Variants in CSMD3 observed in about 807,000 individuals in gnomAD.
CSMD3 encodes CUB and Sushi multiple domains 3.
A neutral mutation model predicts 435.2 loss-of-function variants in CSMD3; 177 were observed. That is an observed-to-expected ratio of 0.41 (90% confidence interval 0.36 to 0.46). The LOEUF (loss-of-function observed/expected upper bound fraction) is 0.46. Ranked by LOEUF, CSMD3 falls within the 20% of genes least tolerant of loss-of-function variation. CSMD3 has a pLI of 0.34. For synonymous variants in CSMD3, 1,656 were observed against 1,520.5 expected, an observed-to-expected ratio of 1.09 and a Z score of -2.07; for missense variants, 4,265 against 4,504.6, an observed-to-expected ratio of 0.95 and a Z score of 1.52.
intron 7 of CSMD3, among the ~76,000 whole-genome samples, chr8:112,971,483 G>C (rs1464372373): frequency 6.6e-6 from 1 of 152,050 alleles, no homozygotes; most frequent in African/African-American, 2.4e-5. Context: ...AAATACCTAA[G>C]AGTTTATGGC....
chr8:112,241,282 G>C (rs755144431), intron 66 of CSMD3, among the ~76,000 whole-genome samples: 5 of 151,840 alleles, frequency 3.3e-5, no homozygotes, highest in Non-Finnish European at 7.4e-5. Flanking sequence ...ATTGTGCTAG[G>C]TTTTCTAATT....
chr8:113,304,793 T>C (rs1223955912), intron 2 of CSMD3, among the ~76,000 whole-genome samples: 85 of 128,772 alleles, frequency 6.6e-4, no homozygotes, highest in South Asian at 1.8e-3. Context: ...AGGGATAGCA[T>C]TGGGAGATGT....
intron 27 of CSMD3, among the ~76,000 whole-genome samples, chr8:112,529,197 T>A (rs1825284646): frequency 6.6e-6 from 1 of 152,058 alleles, no homozygotes; most frequent in African/African-American, 2.4e-5. Flanking sequence ...TATTTGCCAG[T>A]CTTAGAACTC....
At chr8:112,497,352 A>T (rs1563619634) in intron 30 of CSMD3, among the ~76,000 whole-genome samples, 1 of 151,818 alleles carries the variant, frequency 6.6e-6, no homozygotes, top group Non-Finnish European at 1.5e-5. Context: ...AAGTAACTAA[A>T]AGCGTATAAT....
intron 1 of CSMD3, among the ~76,000 whole-genome samples, chr8:113,316,559 T>A (rs2132682161): frequency 6.6e-6 from 1 of 151,938 alleles, no homozygotes; most frequent in African/African-American, 2.4e-5. Flanking sequence ...TACTTTTTTT[T>A]TTTTTTTTGA....
intron 45 of CSMD3, among the ~76,000 whole-genome samples, chr8:112,330,514 TG>T (rs1823939626): frequency 6.6e-6 from 1 of 152,088 alleles, no homozygotes; most frequent in African/African-American, 2.4e-5. Context: ...TCTAGTCGCC[TG>T]GTTATTTTGA....
chr8:113,006,362 G>A (rs1054708939), intron 6 of CSMD3, among the ~76,000 whole-genome samples: 2 of 151,980 alleles, frequency 1.3e-5, no homozygotes, highest in African/African-American at 4.8e-5. Flanking sequence ...GAAGACTGGT[G>A]GAAATATTTC....
chr8:112,901,435 T>A (rs2082106737), intron 10 of CSMD3, among the ~76,000 whole-genome samples: 1 of 151,296 alleles, frequency 6.6e-6, no homozygotes, highest in Non-Finnish European at 1.5e-5. Context: ...AGGCTTTTAC[T>A]ACCCCAGACT....
chr8:112,396,704 T>C (rs917515244), intron 35 of CSMD3, among the ~76,000 whole-genome samples: 1 of 152,176 alleles, frequency 6.6e-6, no homozygotes, highest in Non-Finnish European at 1.5e-5. Context: ...AAGTCCTCTT[T>C]TGATTGAGCC....
At chr8:112,528,872 C>A (rs1045211173) in intron 27 of CSMD3, among the ~76,000 whole-genome samples, 2 of 152,018 alleles carry the variant, frequency 1.3e-5, no homozygotes, top group African/African-American at 2.4e-5. Flanking sequence ...CCCAACCATT[C>A]CAAGAGGACT....
At chr8:112,933,459 T>C (rs1262379284) in intron 9 of CSMD3, among the ~76,000 whole-genome samples, 1 of 152,132 alleles carries the variant, frequency 6.6e-6, no homozygotes, top group African/African-American at 2.4e-5. Context: ...GGTCTTATAT[T>C]TGCTGTCTTT....
chr8:112,802,084 G>A (rs1303096090), intron 12 of CSMD3, among the ~76,000 whole-genome samples: 1 of 151,798 alleles, frequency 6.6e-6, no homozygotes, highest in African/African-American at 2.4e-5. Context: ...CCAACTCATT[G>A]CTGGTGTAAG....
At chr8:113,010,278 A>G (rs555780131) in intron 6 of CSMD3, among the ~76,000 whole-genome samples, 6 of 151,840 alleles carry the variant, frequency 4.0e-5, no homozygotes, top group African/African-American at 7.2e-5. Flanking sequence ...ATGGGCTATC[A>G]AGAAACTTTT....
chr8:112,918,464 AT>A (rs1450994179), intron 10 of CSMD3, among the ~76,000 whole-genome samples: 2 of 151,806 alleles, frequency 1.3e-5, no homozygotes, highest in East Asian at 1.9e-4. Context: ...GTCTATTATT[AT>A]TAACTATTTT....
At chr8:112,528,590 T>C (rs965619399) in intron 27 of CSMD3, among the ~76,000 whole-genome samples, 4 of 151,998 alleles carry the variant, frequency 2.6e-5, no homozygotes, top group East Asian at 1.9e-4. Flanking sequence ...AATGGCAAAG[T>C]AGAAAGTCCT....
chr8:113,071,651 C>G (rs956004255), intron 5 of CSMD3, among the ~76,000 whole-genome samples: 1 of 151,756 alleles, frequency 6.6e-6, no homozygotes, highest in African/African-American at 2.4e-5. Context: ...TCTTGTCTAT[C>G]TATTCTGTTC....
At chr8:113,289,554 C>CAGAGAGAGAGAGAGAGAG (rs66595138) in intron 2 of CSMD3, among the ~76,000 whole-genome samples, 42 of 143,302 alleles carry the variant, frequency 2.9e-4, no homozygotes, top group African/African-American at 1.1e-3. Context: ...CAGAGAGAGA[C>CAGAGAGAGAGAGAGAGAG]AGAGAGAGAG....
At chr8:113,075,743 C>G (rs554533453) in intron 5 of CSMD3, among the ~76,000 whole-genome samples, 1 of 151,676 alleles carries the variant, frequency 6.6e-6, no homozygotes, top group Non-Finnish European at 1.5e-5. Context: ...TATTAGAACA[C>G]TTCAGACTGA....
At chr8:112,914,805 G>C (rs1434703946) in intron 10 of CSMD3, among the ~76,000 whole-genome samples, 1 of 151,788 alleles carries the variant, frequency 6.6e-6, no homozygotes, top group East Asian at 2.0e-4. Flanking sequence ...ACATTCTAAA[G>C]GTTACAGTGT....
Sources: allele counts gnomAD v4.1 joint callset (sites outside exome capture counted in the v4.1 genomes callset), GRCh38; gene constraint gnomAD v4.1.1; transcripts MANE v1.5; gene names NCBI Gene and HGNC (gene_info 2026-07-23, HGNC 2026-07-21).